Variants in KAT5 observed in about 807,000 individuals in gnomAD.
The protein encoded by KAT5 is histone acetyltransferase KAT5.
KAT5 carries 31 observed loss-of-function variants against 68.1 expected under a neutral mutation model. That is an observed-to-expected ratio of 0.46 (90% CI 0.34 to 0.61). The LOEUF is 0.61. Among genes scored for constraint, KAT5 ranks in the 20% least tolerant of loss-of-function variants. The pLI is 0.01. For missense variants in KAT5, 451 were observed against 725.5 expected, an observed-to-expected ratio of 0.62 and a Z score of 4.35; for synonymous variants, 365 against 292.6, an observed-to-expected ratio of 1.25 and a Z score of -2.52.
Position 65,719,366 on chromosome 11 carries a change from C to T in KAT5, c.*185C>T, listed in dbSNP as rs1262772864. The stretch of plus-strand genomic sequence containing the variant: ...CACCAAGGCGAGCTCCGGGCTCAGA[C>T]CAACTCCAAGGTCAGCTGGCCACAG... On this transcript the variant is annotated 3_prime_UTR_variant, in exon 13 of 13. Coordinates refer to ENST00000341318, the MANE Select transcript of KAT5 (RefSeq NM_182710.3). The T allele has an allele frequency of 5.5e-6, 4 of 731,558 alleles. No homozygotes were observed. The highest frequency in any genetic ancestry group is 8.8e-6 in the Non-Finnish European group (4 of 456,864). 45.3% of individuals were successfully genotyped at this position (731,558 alleles called of 1,614,324 possible).
In KAT5 at chr11:65,716,915, T is replaced by C. The variant is rs200248772; in HGVS notation, c.1197T>C (p.Asn399=). 2.0e-5 allele frequency: 33 copies of C among 1,614,004 alleles called. No individual in the cohort carries two copies. Among genetic ancestry groups the C allele is most frequent in the Non-Finnish European group, 2.6e-5 (31 of 1,179,994 alleles). The change falls in exon 10 of 13, where the codon AAT becomes AAC. Residue 399 remains asparagine, a synonymous_variant. Transcript: ENST00000341318. The stretch of plus-strand genomic sequence containing the variant: ...AGAAAGAATCAACGGAAGACTACAA[T>C]GTGGCCTGCATCCTAACCCTGCCTC... ...SKEKESTEDY[N]VACILTLPPY...
At chr11:65,713,244 G>A in intron 3 of KAT5, 104 bp from the exon 4 acceptor site, 2 of 1,355,304 alleles carry the variant, frequency 1.5e-6, no homozygotes, top group Non-Finnish European at 2.1e-6. Context: ...CCTTCAGAAG[G>A]CGAGGGTGGG....
intron 11 of KAT5, 49 bp downstream of exon 11, chr11:65,718,798 T>A (rs372421554): frequency 4.3e-6 from 7 of 1,613,994 alleles, no homozygotes; most frequent in Non-Finnish European, 5.9e-6. Context: ...GCTTGTCTGT[T>A]CCTGGGCTTT....
Position 65,713,391 on chromosome 11 carries a change from T to A in KAT5, c.428T>A (p.Val143Asp). 6.2e-7 allele frequency: 1 copy of A among 1,613,820 alleles called. No individual in the cohort carries two copies. The highest frequency in any genetic ancestry group is 8.5e-7 in the Non-Finnish European group (1 of 1,179,966). Reference sequence around the variant, plus strand: ...AGCGGGAAGACCTTGCCAATCCCGGTCCAGATCACACTCCGCTTCAACCTG... The same window carrying A: ...AGCGGGAAGACCTTGCCAATCCCGGACCAGATCACACTCCGCTTCAACCTG... Reference protein sequence around the residue: ...QASGKTLPIPVQITLRFNLPK... With the variant: ...QASGKTLPIPDQITLRFNLPK... Residue 143 changes from valine (V) to aspartate (D), a missense_variant, in exon 4 of 13, where the codon GTC (valine) becomes GAC (aspartate). Transcript: ENST00000341318.
At chr11:65,714,020 C>T in intron 6 of KAT5, 172 bp downstream of exon 6, 1 of 645,780 alleles carries the variant, frequency 1.5e-6, no homozygotes, top group South Asian at 1.9e-5. Flanking sequence ...TGGGGCCGGG[C>T]ACCATGGCTC....
At chr11:65,719,003 C>T in intron 12 of KAT5, 44 bp from the exon 13 acceptor site, 1 of 1,613,992 alleles carries the variant, frequency 6.2e-7, no homozygotes, top group Non-Finnish European at 8.5e-7. Flanking sequence ...AGAGTGCAGT[C>T]CTCTGTGGGC....
At position 65,713,441 on chromosome 11, in the gene KAT5, G is replaced by A. The variant is rs777887005; in HGVS notation, c.478G>A (p.Gly160Ser). The change falls in exon 4 of 13, where the codon GGT (glycine) becomes AGT (serine). Residue 160 changes from glycine to serine, a missense_variant. Coordinates refer to ENST00000341318, the MANE Select transcript of KAT5 (RefSeq NM_182710.3). ...GCCCAAGGAGCGGGAGGCCATTCCC[G>A]GTGGCGAGCCTGACCAGCCGCTCTC... ...NLPKEREAIP[G>S]GEPDQPLSSS... 9 of 1,614,014 alleles carry A rather than the reference G, an allele frequency of 5.6e-6. No individual in the cohort carries two copies. The highest frequency in any genetic ancestry group is 2.2e-5 in the South Asian group (2 of 91,092).
In KAT5 at chr11:65,713,070, C is replaced by G; in HGVS notation, c.384+12C>G. 6.2e-7 allele frequency: 1 copy of G among 1,612,270 alleles called. No homozygotes were observed. The highest frequency in any genetic ancestry group is 8.5e-7 in the Non-Finnish European group (1 of 1,179,892). On this transcript the variant is annotated intron_variant, in intron 3 of 12. Coordinates refer to ENST00000341318, the MANE Select transcript of KAT5 (RefSeq NM_182710.3). ...CAGAGAGAGAGGTGGTGAGTAGGTC[C>G]CCCACTTCACCTTTTCTCTCCTGCC...
rs4645924 is a variant in KAT5 at position 65,715,070 on chromosome 11, CTG to C, written c.1029+162_1029+163del. ...CTGGTAGCCAGGAATGAGACAGTCT[CTG>C]TTCTCTGACAGCTTAGTCCATGGGA... On this transcript the variant is annotated intron_variant, in intron 8 of 12. Transcript: ENST00000341318. 631 of 663,102 alleles carry C rather than the reference CTG, an allele frequency of 9.5e-4. 3 individuals carry two copies. In the African/African-American group the frequency reaches 0.01, roughly 11 times the overall value. 41.1% of individuals were successfully genotyped at this position (663,102 alleles called of 1,614,324 possible).
chr11:65,718,431 C>T, intron 10 of KAT5, 159 bp from the exon 11 acceptor site: 1 of 722,172 alleles, frequency 1.4e-6, no homozygotes, highest in East Asian at 2.5e-5. Flanking sequence ...TCAGTTCTTC[C>T]TGAGGGAACT....
At position 65,714,692 on chromosome 11, in the gene KAT5, C is replaced by T. The variant is rs781377393; in HGVS notation, c.888C>T (p.Cys296=). 33 of 1,614,080 alleles carry T rather than the reference C, an allele frequency of 2.0e-5. No individual in the cohort carries two copies. Among genetic ancestry groups the T allele is most frequent in the Admixed American group, 8.3e-5 (5 of 59,994 alleles). The change falls in exon 7 of 13, where the codon TGC becomes TGT. Residue 296 remains cysteine (C), a synonymous_variant. Coordinates refer to ENST00000341318, the MANE Select transcript of KAT5 (RefSeq NM_182710.3). ...ELTTLPVLYL[C]EFCLKYGRSL... Reference sequence around the variant, plus strand: ...CCACATTGCCTGTCCTCTACCTGTGCGAGTTCTGCCTCAAGTACGGCCGTA... The same window carrying T: ...CCACATTGCCTGTCCTCTACCTGTGTGAGTTCTGCCTCAAGTACGGCCGTA...
At chr11:65,717,179 A>C in intron 10 of KAT5, 197 bp downstream of exon 10, 1 of 602,294 alleles carries the variant, frequency 1.7e-6, no homozygotes, top group Non-Finnish European at 3.0e-6. Context: ...GTAGGTTCTC[A>C]GCCCCCCAGT....
At chr11:65,716,529 A>C in intron 8 of KAT5, 138 bp from the exon 9 acceptor site, 1 of 785,182 alleles carries the variant, frequency 1.3e-6, no homozygotes, top group Non-Finnish European at 2.1e-6. Context: ...GGAGTGGGTC[A>C]GGCCCAGCCA....
Position 65,714,657 on chromosome 11 carries a change from C to G in KAT5, c.853C>G (p.Gln285Glu), listed in dbSNP as rs1166738487. Residue 285 changes from glutamine to glutamate, a missense_variant, in exon 7 of 13, where the codon CAG (glutamine) becomes GAG (glutamate). Physicochemically the swap from Gln to Glu is conservative, Grantham distance 29. Around this residue, in one of 4 missense-constraint regions of KAT5, gnomAD observed 210 missense variants for 423.7 expected, o/e 0.50. Coordinates refer to ENST00000341318, the MANE Select transcript of KAT5 (RefSeq NM_182710.3). ...GCCGTGGTACTTCTCCCCGTACCCACAGGAACTCACCACATTGCCTGTCCT... is the reference window on the plus strand; with the variant it reads ...GCCGTGGTACTTCTCCCCGTACCCAGAGGAACTCACCACATTGCCTGTCCT... ...LKPWYFSPYP[Q>E]ELTTLPVLYL... 2 of 1,614,128 alleles carry G rather than the reference C, an allele frequency of 1.2e-6. No homozygotes were observed. The highest frequency in any genetic ancestry group is 2.7e-5 in the African/African-American group (2 of 74,950).
chr11:65,712,724 A>T (rs1438245668), intron 1 of KAT5, 42 bp from the exon 2 acceptor site: 6 of 1,608,744 alleles, frequency 3.7e-6, no homozygotes, highest in Non-Finnish European at 5.1e-6. Context: ...GGAGTCTCAT[A>T]GCCTGGCCTG....
At chr11:65,713,696 C>T (rs1857103023) in intron 5 of KAT5, 29 bp downstream of exon 5, 2 of 1,613,734 alleles carry the variant, frequency 1.2e-6, no homozygotes, top group Admixed American at 3.3e-5. Context: ...CTCTTGTTCT[C>T]TTCCTCTCTT....
At position 65,713,989 on chromosome 11, in the gene KAT5, A is replaced by C. The variant is rs1191732169; in HGVS notation, c.690+141A>C. The stretch of plus-strand genomic sequence containing the variant: ...GTTGGTGGGATTAGGAGACAGGCAG[A>C]ACATTGTTCAAATGAGTCATTGGGG... On this transcript the variant is annotated intron_variant, in intron 6 of 12. Transcript: ENST00000341318. 35 of 789,438 alleles carry C rather than the reference A, an allele frequency of 4.4e-5. No individual in the cohort carries two copies. The Admixed American group carries it at 8.7e-4, about 20-fold the overall frequency. 48.9% of individuals were successfully genotyped at this position (789,438 alleles called of 1,614,324 possible). A position where few individuals can be genotyped will look rare whatever the true frequency, so the allele number is the denominator to read the frequency against.
In KAT5 at chr11:65,719,077, A is replaced by G. The variant is rs886048493; in HGVS notation, c.1537A>G (p.Ile513Val). Reference protein sequence around the residue: ...GQYILTLSEDIVDGHERAMLK... With the variant: ...GQYILTLSEDVVDGHERAMLK... Reference sequence around the variant, plus strand: ...GTACATCCTCACACTGTCAGAGGACATCGTGGATGGCCATGAGCGGGCCAT... The same window carrying G: ...GTACATCCTCACACTGTCAGAGGACGTCGTGGATGGCCATGAGCGGGCCAT... The change falls in exon 13 of 13, where the codon ATC becomes GTC. Residue 513 changes from isoleucine to valine, a missense_variant. By Grantham distance (29) the Ile-to-Val change is conservative. This residue lies in a region of KAT5 where 210 missense variants were observed against 423.7 expected (regional missense o/e 0.50). Coordinates refer to ENST00000341318, the MANE Select transcript of KAT5 (RefSeq NM_182710.3). 3.7e-6 allele frequency: 6 copies of G among 1,614,144 alleles called. No individual in the cohort carries two copies. The highest frequency in any genetic ancestry group is 1.1e-5 in the South Asian group (1 of 91,078).
chr11:65,716,218 G>T (rs932460171), intron 8 of KAT5: 10 of 167,468 alleles, frequency 6.0e-5, no homozygotes, highest in African/African-American at 1.7e-4. Context: ...AGAATGTTAG[G>T]TTTTTTAACA....
Sources: gnomAD v4.1 joint callset for allele counts on GRCh38, gnomAD v4.1.1 for gene constraint, gnomAD v4.1.1 regional missense constraint, MANE v1.5 for transcripts, NCBI Gene and HGNC (gene_info 2026-07-23, HGNC 2026-07-21) for gene names.